TSC22D1: variants seen among roughly 807,000 people sequenced by gnomAD.
TSC22D1 encodes the protein TSC22 domain family member 1.
A neutral mutation model predicts 74.2 loss-of-function variants in TSC22D1; 9 were observed. The observed-to-expected ratio is 0.12, with a 90% CI of 0.07 to 0.21. TSC22D1 has a LOEUF of 0.21. Ranked by LOEUF, TSC22D1 falls within the 10% of genes least tolerant of loss-of-function variation. The probability of loss-of-function intolerance (pLI) is 1.00; values close to 1 mark genes in which losing one functional copy is unlikely to be tolerated. For missense variants in TSC22D1, 1,427 were observed against 1,304.7 expected (o/e 1.09, Z -1.44); for synonymous variants, 586 against 492.5 (o/e 1.19, Z -2.51).
At chr13:44,539,742 C>T in intron 1 of TSC22D1, 16 of 1,251,450 alleles carry the variant, frequency 1.3e-5, no homozygotes, top group African/African-American at 3.1e-5. Flanking sequence ...TAAATTAACC[C>T]AAGTAAATAA....
At chr13:44,564,518 C>T (rs988772250) in intron 1 of TSC22D1, among the ~76,000 whole-genome samples, 7 of 152,222 alleles carry the variant, frequency 4.6e-5, no homozygotes, top group African/African-American at 1.7e-4. Flanking sequence ...GCTAAAATAA[C>T]AGCATGTGCA....
chr13:44,558,573 C>T (rs766380756), intron 1 of TSC22D1, among the ~76,000 whole-genome samples: 47 of 152,050 alleles, frequency 3.1e-4, no homozygotes, highest in Non-Finnish European at 5.6e-4. Context: ...AACCCCATCT[C>T]TACTAAAAAT....
chr13:44,577,323 C>T (rs1222740881), upstream of TSC22D1: 2 of 152,474 alleles, frequency 1.3e-5, no homozygotes, highest in African/African-American at 2.4e-5. Flanking sequence ...TCTCTCGCGG[C>T]ATCGGGAGGG....
chr13:44,482,068 ATAAG>A (rs1354246458), intron 1 of TSC22D1, among the ~76,000 whole-genome samples: 3 of 152,014 alleles, frequency 2.0e-5, no homozygotes, highest in Non-Finnish European at 4.4e-5. Flanking sequence ...TTATTTTCAT[ATAAG>A]TAATATAAAG....
intron 1 of TSC22D1, among the ~76,000 whole-genome samples, chr13:44,442,723 C>G (rs1469537035): frequency 6.6e-6 from 1 of 151,796 alleles, no homozygotes; most frequent in African/African-American, 2.4e-5. Flanking sequence ...TTGAGACAAG[C>G]CTGGCCAATA....
At chr13:44,539,546 T>A in intron 1 of TSC22D1, 1 of 985,356 alleles carries the variant, frequency 1.0e-6, no homozygotes, top group Non-Finnish European at 1.2e-6. Context: ...CGTCAAATCA[T>A]GTGCCCCAAA....
At chr13:44,517,774 TATACACATATATATAC>T (rs1880075533) in intron 1 of TSC22D1, among the ~76,000 whole-genome samples, 1 of 120,168 alleles carries the variant, frequency 8.3e-6, no homozygotes, top group Admixed American at 9.3e-5. Context: ...TATATATATA[TATACACATATATATAC>T]ATATATATAC....
chr13:44,483,902 C>A (rs1339483998), intron 1 of TSC22D1, among the ~76,000 whole-genome samples: 1 of 152,086 alleles, frequency 6.6e-6, no homozygotes, highest in East Asian at 1.9e-4. Context: ...TACAACGTAT[C>A]CTTTTCATTA....
intron 1 of TSC22D1, among the ~76,000 whole-genome samples, chr13:44,525,161 G>A (rs983917931): frequency 1.3e-5 from 2 of 152,044 alleles, no homozygotes; most frequent in African/African-American, 2.4e-5. Context: ...AAGCCCAGGG[G>A]CACTGTCCCA....
chr13:44,438,442 G>C (rs1392413406), intron 1 of TSC22D1, among the ~76,000 whole-genome samples: 1 of 152,142 alleles, frequency 6.6e-6, no homozygotes, highest in Non-Finnish European at 1.5e-5. Context: ...AGTGGGGGTA[G>C]GTAGATTTGG....
intron 1 of TSC22D1, among the ~76,000 whole-genome samples, chr13:44,455,937 G>C (rs1428167081): frequency 5.3e-5 from 8 of 149,816 alleles, no homozygotes; most frequent in Admixed American, 5.3e-4. Flanking sequence ...ACCTGAGCAA[G>C]CCGTAAAGAA....
chr13:44,541,106 C>T (rs775103461), intron 1 of TSC22D1, among the ~76,000 whole-genome samples: 8 of 152,134 alleles, frequency 5.3e-5, no homozygotes, highest in South Asian at 2.1e-4. Context: ...GTTAGTGGAA[C>T]GAGGATTGTG....
At chr13:44,518,487 T>A (rs547327409) in intron 1 of TSC22D1, among the ~76,000 whole-genome samples, 1 of 152,278 alleles carries the variant, frequency 6.6e-6, no homozygotes, top group African/African-American at 2.4e-5. Flanking sequence ...AGTTCAAAGA[T>A]GTTGGAAATG....
chr13:44,512,149 CTTTTT>C (rs976522499), intron 1 of TSC22D1, among the ~76,000 whole-genome samples: 1 of 151,188 alleles, frequency 6.6e-6, no homozygotes, highest in African/African-American at 2.4e-5. Flanking sequence ...ATATTTATTT[CTTTTT>C]TTGTTTGTTT....
intron 1 of TSC22D1, among the ~76,000 whole-genome samples, chr13:44,465,738 C>T (rs1457081223): frequency 2.0e-5 from 3 of 152,116 alleles, no homozygotes; most frequent in East Asian, 1.9e-4. Flanking sequence ...TTTAGGAGGC[C>T]GAGGCGAGTG....
chr13:44,437,231 C>G (rs990034856), intron 1 of TSC22D1: 113 of 985,542 alleles, frequency 1.1e-4, no homozygotes, highest in Non-Finnish European at 1.3e-4. Context: ...TGCTTAACGG[C>G]GAAAGCTTCC....
Position 44,494,370 on chromosome 13 carries a change from C to T in TSC22D1, c.2913-58275G>A, listed in dbSNP as rs376093121. On this transcript the variant is annotated intron_variant, in intron 1 of 2. Transcript: ENST00000458659. ...CAGCCTGGGTGACAGACCAAGACTC[C>T]GTATCAAAAAAAAAAAAAAAAAAAA... Among the ~76,000 whole-genome samples, 26 of 62,848 alleles carry T rather than the reference C, an allele frequency of 4.1e-4. No homozygotes were observed. In the East Asian group the frequency reaches 4.8e-3, roughly 12 times the overall value. The allele number at this position is 62,848 out of a possible 152,430, so 41.2% of individuals were successfully genotyped here.
In TSC22D1 at chr13:44,503,834, T is replaced by C. The variant is rs138119258; in HGVS notation, c.2913-67739A>G. On this transcript the variant is annotated intron_variant, in intron 1 of 2. Coordinates refer to ENST00000458659, the MANE Select transcript of TSC22D1 (RefSeq NM_183422.4). ...AATTACAAAACCTAATTTTATAATT[T>C]CTTGAATATATCTACATTTTTATTA... Among the ~76,000 whole-genome samples, 149 of 152,244 alleles carry C rather than the reference T, an allele frequency of 9.8e-4. 2 individuals carry two copies. In the East Asian group the frequency reaches 0.024, roughly 25 times the overall value.
At chr13:44,491,727 C>T (rs1314916039) in intron 1 of TSC22D1, among the ~76,000 whole-genome samples, 2 of 151,994 alleles carry the variant, frequency 1.3e-5, no homozygotes, top group African/African-American at 4.8e-5. Context: ...GAAATTAAAA[C>T]CACAATGAAC....
Sources: allele counts gnomAD v4.1 joint callset (sites outside exome capture counted in the v4.1 genomes callset), GRCh38; gene constraint gnomAD v4.1.1; transcripts MANE v1.5; gene names NCBI Gene and HGNC (gene_info 2026-07-23, HGNC 2026-07-21).